FAM193A: variants seen among roughly 807,000 people sequenced by gnomAD.
FAM193A encodes the protein family with sequence similarity 193 member A.
Under a neutral mutation model 126.5 loss-of-function variants are expected in FAM193A, and 22 were observed. The observed-to-expected ratio is 0.17, with a 90% CI of 0.12 to 0.25. The LOEUF (loss-of-function observed/expected upper bound fraction) is 0.25, where lower values mean the gene tolerates loss of function less well. Among genes scored for constraint, FAM193A ranks in the 10% least tolerant of loss-of-function variants. FAM193A has a pLI of 1.00. For synonymous variants in FAM193A, 761 were observed against 646.8 expected, an observed-to-expected ratio of 1.18 and a Z score of -2.68; for missense variants, 1,675 against 1,672.8, an observed-to-expected ratio of 1.00 and a Z score of -0.02.
intron 2 of FAM193A, among the ~76,000 whole-genome samples, chr4:2,608,410 C>T (rs1741670630): frequency 6.6e-6 from 1 of 152,176 alleles, no homozygotes; most frequent in South Asian, 2.1e-4. Flanking sequence ...AACTCCTGGG[C>T]TCAATCAGTC....
At chr4:2,720,526 C>T (rs1720013167) in intron 20 of FAM193A, among the ~76,000 whole-genome samples, 1 of 152,042 alleles carries the variant, frequency 6.6e-6, no homozygotes. Context: ...GTGACATGCA[C>T]CTGTGGTCCC....
intron 18 of FAM193A, among the ~76,000 whole-genome samples, chr4:2,698,943 C>T (rs1717347207): frequency 6.6e-6 from 1 of 152,312 alleles, no homozygotes; most frequent in Non-Finnish European, 1.5e-5. Flanking sequence ...CTTTACTACA[C>T]ATTGCTTTTT....
chr4:2,629,851 G>C (rs1743365199), intron 4 of FAM193A, among the ~76,000 whole-genome samples: 1 of 152,178 alleles, frequency 6.6e-6, no homozygotes, highest in South Asian at 2.1e-4. Flanking sequence ...TGCATTATCG[G>C]CCGGGTGCGG....
chr4:2,646,647 G>C, intron 6 of FAM193A, 38 bp from the exon 7 acceptor site: 1 of 1,558,314 alleles, frequency 6.4e-7, no homozygotes, highest in Non-Finnish European at 8.7e-7. Flanking sequence ...CAGAGCCTTT[G>C]GGTTCTTTCC....
At chr4:2,585,764 T>TA (rs1309695792) in intron 1 of FAM193A, among the ~76,000 whole-genome samples, 1 of 152,024 alleles carries the variant, frequency 6.6e-6, no homozygotes, top group Non-Finnish European at 1.5e-5. Flanking sequence ...CCGTCTTTAC[T>TA]AAAAAATACA....
chr4:2,583,687 C>T (rs536112725), intron 1 of FAM193A, among the ~76,000 whole-genome samples: 94 of 152,280 alleles, frequency 6.2e-4, no homozygotes, highest in Admixed American at 9.2e-4. Flanking sequence ...CTCAGCCTTT[C>T]GCAATTTGTC....
chr4:2,701,745 C>T (rs531773782), intron 19 of FAM193A, among the ~76,000 whole-genome samples: 5 of 151,310 alleles, frequency 3.3e-5, no homozygotes, highest in African/African-American at 4.8e-5. Flanking sequence ...TGATTCTTGC[C>T]GGAAATGTTT....
At chr4:2,551,435 G>A (rs1737909955) in intron 1 of FAM193A, among the ~76,000 whole-genome samples, 1 of 152,152 alleles carries the variant, frequency 6.6e-6, no homozygotes, top group Non-Finnish European at 1.5e-5. Flanking sequence ...TTTGCATTTG[G>A]AATGCTTAAT....
intron 1 of FAM193A, among the ~76,000 whole-genome samples, chr4:2,540,123 A>T (rs1196644393): frequency 6.6e-6 from 1 of 151,660 alleles, no homozygotes; most frequent in Non-Finnish European, 1.5e-5. Flanking sequence ...TGTCTCAAAA[A>T]AAAAAAAAAA....
intron 18 of FAM193A, among the ~76,000 whole-genome samples, chr4:2,698,133 G>T (rs1289146540): frequency 6.6e-6 from 1 of 152,232 alleles, no homozygotes; most frequent in Non-Finnish European, 1.5e-5. Context: ...TCACTGGCTG[G>T]CTGGTTGTTG....
At chr4:2,548,089 T>G (rs1167764176) in intron 1 of FAM193A, among the ~76,000 whole-genome samples, 1 of 122,822 alleles carries the variant, frequency 8.1e-6, no homozygotes, top group African/African-American at 2.8e-5. Flanking sequence ...TTTTTTTTTT[T>G]GAGACAAAGT....
intron 13 of FAM193A, among the ~76,000 whole-genome samples, chr4:2,679,250 G>A (rs1714804489): frequency 6.6e-6 from 1 of 152,028 alleles, no homozygotes; most frequent in Admixed American, 6.6e-5. Context: ...TTGCATTCTG[G>A]GAATGAGTCC....
At chr4:2,723,187 T>A (rs1720350345) in intron 20 of FAM193A, among the ~76,000 whole-genome samples, 1 of 152,146 alleles carries the variant, frequency 6.6e-6, no homozygotes, top group Non-Finnish European at 1.5e-5. Context: ...GGCAGGAGAA[T>A]GGCGTGAATC....
intron 20 of FAM193A, among the ~76,000 whole-genome samples, chr4:2,721,630 G>A (rs977398814): frequency 6.6e-6 from 1 of 152,328 alleles, no homozygotes; most frequent in Non-Finnish European, 1.5e-5. Context: ...TGCAGCTAGC[G>A]AGCCCTCCCT....
At chr4:2,562,786 T>C (rs1421076904) in intron 1 of FAM193A, among the ~76,000 whole-genome samples, 3 of 151,670 alleles carry the variant, frequency 2.0e-5, no homozygotes, top group Non-Finnish European at 4.4e-5. Context: ...TCCACCACCA[T>C]GCCCAGCTAA....
At chr4:2,572,376 C>T (rs1739344826) in intron 1 of FAM193A, among the ~76,000 whole-genome samples, 1 of 151,866 alleles carries the variant, frequency 6.6e-6, no homozygotes, top group Non-Finnish European at 1.5e-5. Context: ...TTTCTAATAC[C>T]GTTTCCCCTG....
rs548461869 is a variant in FAM193A, at chr4:2,646,753, G to A, written c.1232G>A (p.Arg411His). Residue 411 changes from arginine to histidine, a missense_variant, in exon 7 of 21, where the codon CGT (arginine) becomes CAT (histidine). Coordinates refer to ENST00000637812, the MANE Select transcript of FAM193A (RefSeq NM_001366318.2). ...TYSTLLQRYQRSEEELRRVAE... is the reference protein window; with the variant it reads ...TYSTLLQRYQHSEEELRRVAE... ...AGTACCTTGCTGCAGAGGTACCAGCGTTCCGAGGAGGAGCTGCGCAGAGTC... is the reference window on the plus strand; with the variant it reads ...AGTACCTTGCTGCAGAGGTACCAGCATTCCGAGGAGGAGCTGCGCAGAGTC... 8.1e-6 allele frequency: 13 copies of A among 1,614,106 alleles called. No homozygotes were observed. Among genetic ancestry groups the A allele is most frequent in the South Asian group, 4.4e-5 (4 of 91,084 alleles).
intron 1 of FAM193A, among the ~76,000 whole-genome samples, chr4:2,575,193 C>T (rs988116126): frequency 6.6e-6 from 1 of 152,050 alleles, no homozygotes; most frequent in Non-Finnish European, 1.5e-5. Context: ...GAGGCCTATG[C>T]CCCAAGAAAG....
chr4:2,703,753 C>T (rs1051411249), intron 19 of FAM193A, among the ~76,000 whole-genome samples: 5 of 144,118 alleles, frequency 3.5e-5, no homozygotes, highest in Non-Finnish European at 7.5e-5. Context: ...TACCTGAGGC[C>T]GGGAATTTAA....
Sources: gnomAD v4.1 joint callset for allele counts (sites outside exome capture counted in the v4.1 genomes callset) on GRCh38, gnomAD v4.1.1 for gene constraint, MANE v1.5 for transcripts, NCBI Gene and HGNC (gene_info 2026-07-23, HGNC 2026-07-21) for gene names.